ZNF608: variants seen among roughly 807,000 people sequenced by gnomAD.
ZNF608 encodes zinc finger protein 608, also known as renal carcinoma antigen NY-REN-36.
ZNF608 carries 12 observed loss-of-function variants against 109.0 expected under a neutral mutation model. That is an observed-to-expected ratio of 0.11 (90% confidence interval 0.07 to 0.18). ZNF608 has a LOEUF of 0.18. ZNF608 is among the 10% of genes least tolerant of loss of function. The pLI is 1.00. For missense variants in ZNF608, 1,707 were observed against 1,879.3 expected (o/e 0.91, Z 1.70); for synonymous variants, 732 against 717.4 (o/e 1.02, Z -0.33).
At chr5:124,737,529 A>G (rs750185855) in intron 2 of ZNF608, among the ~76,000 whole-genome samples, 1 of 152,172 alleles carries the variant, frequency 6.6e-6, no homozygotes. Context: ...TATACCTTTA[A>G]GTTTTCATTT....
Position 124,649,109 on chromosome 5 carries a change from G to A in ZNF608, c.1275C>T (p.Asp425=). ...TGCCCCGGCCCCCTCTCATCTCCAG[G>A]TCACTTGTCGGTGACTCACAAAACC... The part of the protein sequence containing the change: ...PPRFCESPTS[D]LEMRGGRGRG... The change falls in exon 5 of 10, where the codon GAC becomes GAT. Residue 425 remains aspartate (D), a synonymous_variant. Coordinates refer to ENST00000513986, the MANE Select transcript of ZNF608 (RefSeq NM_020747.3). The A allele has an allele frequency of 6.4e-7, 1 of 1,572,868 alleles. No homozygotes were observed.
chr5:124,694,370 TA>T (rs1752756272), intron 3 of ZNF608, among the ~76,000 whole-genome samples: 1 of 151,862 alleles, frequency 6.6e-6, no homozygotes, highest in African/African-American at 2.4e-5. Flanking sequence ...TTATTTTTAC[TA>T]AAAAAATTTT....
chr5:124,746,446 T>C lies in ZNF608; in HGVS notation c.-435A>G, dbSNP rs1392847381. ...CACTGTACAGCTGGAAAATAATGTT[T>C]CACATTCACAACAGAAGCACCAAAG... is the stretch of plus-strand genomic sequence containing the variant. On this transcript the variant is annotated 5_prime_UTR_variant, in exon 1 of 10. The change abolishes the stop of an existing upstream ORF in the 5' untranslated region. Transcript: ENST00000513986. 2.9e-5 allele frequency: 29 copies of C among 985,260 alleles called. No homozygotes were observed. Among genetic ancestry groups the C allele is most frequent in the Non-Finnish European group, 3.3e-5 (27 of 829,934 alleles). The allele number at this position is 985,260 out of a possible 1,614,324, so 61.0% of individuals were successfully genotyped here.
In ZNF608 at chr5:124,744,164, T is replaced by C. The variant is rs139499592; in HGVS notation, c.826A>G (p.Met276Val). Residue 276 changes from methionine to valine, a missense_variant, in exon 2 of 10, where the codon ATG (methionine) becomes GTG (valine). Around this residue, in one of 7 missense-constraint regions of ZNF608, gnomAD observed 407 missense variants for 398.7 expected, o/e 1.02. Coordinates refer to ENST00000513986, the MANE Select transcript of ZNF608 (RefSeq NM_020747.3). This position sits in a 1 kb window ranked among gnomAD's most constrained non-coding sequence, Gnocchi z 4.5. ...TTCTTTACCAACATAGAGTTTCCCATGAGCCCTGAATCCGGGGCACTTTTG... is the reference window on the plus strand; with the variant it reads ...TTCTTTACCAACATAGAGTTTCCCACGAGCCCTGAATCCGGGGCACTTTTG... ...VSKSAPDSGL[M>V]GNSMLVKKEE... 4.3e-6 allele frequency: 7 copies of C among 1,613,408 alleles called. No homozygotes were observed. Among genetic ancestry groups the C allele is most frequent in the Non-Finnish European group, 5.1e-6 (6 of 1,179,976 alleles).
rs372792834 is a variant in ZNF608, at chr5:124,648,765, G to C, written c.1619C>G (p.Thr540Ser). ...TPTTPQGKPE[T>S]TFLDQGCSSP... ...AGAGCAGCCTTGGTCCAAAAAAGTAGTCTCTGGTTTCCCTTGAGGGGTAGT... is the reference window on the plus strand; with the variant it reads ...AGAGCAGCCTTGGTCCAAAAAAGTACTCTCTGGTTTCCCTTGAGGGGTAGT... Residue 540 changes from threonine to serine, a missense_variant, in exon 5 of 10, where the codon ACT (threonine) becomes AGT (serine). Thr to Ser is a moderately conservative substitution (Grantham distance 58, BLOSUM62 1). Coordinates refer to ENST00000513986, the MANE Select transcript of ZNF608 (RefSeq NM_020747.3). 29 of 1,614,112 alleles carry C rather than the reference G, an allele frequency of 1.8e-5. No individual in the cohort carries two copies. Among genetic ancestry groups the C allele is most frequent in the Non-Finnish European group, 2.5e-5 (29 of 1,180,060 alleles).
chr5:124,665,724 G>A (rs962659377), intron 3 of ZNF608, among the ~76,000 whole-genome samples: 43 of 152,280 alleles, frequency 2.8e-4, no homozygotes, highest in African/African-American at 1.0e-3. Context: ...AATTGATGAG[G>A]TACATTTGTC....
At chr5:124,700,081 G>GA (rs201822880) in intron 3 of ZNF608, among the ~76,000 whole-genome samples, 36 of 152,076 alleles carry the variant, frequency 2.4e-4, no homozygotes, top group African/African-American at 8.0e-4. Context: ...AACTTACAGA[G>GA]AAAAAAAAGT....
chr5:124,720,958 A>G (rs1753879241), intron 2 of ZNF608, among the ~76,000 whole-genome samples: 1 of 152,112 alleles, frequency 6.6e-6, no homozygotes, highest in Non-Finnish European at 1.5e-5. Context: ...TAAAGAAAAA[A>G]GTAGCATTTC....
rs1327932386 is a variant in ZNF608, at chr5:124,668,217, TTA to T, written c.1163-18522_1163-18521del. Among the ~76,000 whole-genome samples the T allele has an allele frequency of 1.3e-4, 16 of 120,258 alleles. 1 individual carries two copies. The highest frequency in any genetic ancestry group is 1.1e-3 in the South Asian group (4 of 3,734). 78.9% of individuals were successfully genotyped at this position (120,258 alleles called of 152,430 possible). On this transcript the variant is annotated intron_variant, in intron 3 of 9. Transcript: ENST00000513986. ...AAAAATATATATATATATATATATATTATATATATATATATTTTATATATATC... is the reference window on the plus strand; with the variant it reads ...AAAAATATATATATATATATATATATTATATATATATATTTTATATATATC...
At chr5:124,700,702 T>C (rs547014087) in intron 3 of ZNF608, among the ~76,000 whole-genome samples, 1 of 152,336 alleles carries the variant, frequency 6.6e-6, no homozygotes, top group East Asian at 1.9e-4. Context: ...TTGAGATCTA[T>C]CTCCCTTCCT....
At position 124,646,987 on chromosome 5, in the gene ZNF608, G is replaced by A. The variant is rs200980889; in HGVS notation, c.3397C>T (p.Leu1133Phe). The change falls in exon 5 of 10, where the codon CTC becomes TTC. Residue 1133 changes from leucine to phenylalanine, a missense_variant. Transcript: ENST00000513986. ...GRGDCERKSE[L>F]PLKELGKEET... ...TCCTTGCCCAGCTCTTTCAAGGGGA[G>A]CTCACTTTTCCTTTCACAGTCTCCT... The A allele has an allele frequency of 1.6e-4, 254 of 1,613,908 alleles. No individual in the cohort carries two copies. The highest frequency in any genetic ancestry group is 2.1e-4 in the Non-Finnish European group (243 of 1,180,010).
intron 3 of ZNF608, among the ~76,000 whole-genome samples, chr5:124,654,107 C>T (rs749291308): frequency 2.0e-5 from 3 of 152,178 alleles, no homozygotes; most frequent in Non-Finnish European, 4.4e-5. Context: ...GCAGTCCACC[C>T]ATCATCCACT....
At position 124,745,276 on chromosome 5, in the gene ZNF608, G is replaced by T. The variant is rs890344642; in HGVS notation, c.-183-104C>A. On this transcript the variant is annotated intron_variant, in intron 1 of 9. Coordinates refer to ENST00000513986, the MANE Select transcript of ZNF608 (RefSeq NM_020747.3). ...AGTAAAGGGGACAGGGAAGGATGGA[G>T]AGTAAGGTGGCTCATGTATTGTCCT... 1.5e-5 allele frequency: 16 copies of T among 1,051,466 alleles called. No individual in the cohort carries two copies. The Admixed American group carries it at 6.1e-4, about 40-fold the overall frequency. 65.1% of individuals were successfully genotyped at this position (1,051,466 alleles called of 1,614,324 possible).
chr5:124,646,842 C>T lies in ZNF608; in HGVS notation c.3542G>A (p.Gly1181Asp), dbSNP rs1338475545. 3.1e-6 allele frequency: 5 copies of T among 1,614,108 alleles called. No individual in the cohort carries two copies. The South Asian group carries it at 4.4e-5, about 14-fold the overall frequency. ...PSVPNKTEET[G>D]KSQLLSNHQQ... Reference sequence around the variant, plus strand: ...GTGATTGGAGAGAAGCTGCGATTTACCTGTCTCCTCAGTTTTATTAGGCAC... The same window carrying T: ...GTGATTGGAGAGAAGCTGCGATTTATCTGTCTCCTCAGTTTTATTAGGCAC... The change falls in exon 5 of 10, where the codon GGT becomes GAT. Residue 1181 changes from glycine to aspartate, a missense_variant. By Grantham distance (94) the Gly-to-Asp change is moderately conservative (BLOSUM62 -1). Transcript: ENST00000513986.
In ZNF608 at chr5:124,744,382, C is replaced by T. The variant is rs765028505; in HGVS notation, c.608G>A (p.Arg203Gln). The change falls in exon 2 of 10, where the codon CGG becomes CAG. Residue 203 changes from arginine (R) to glutamine (Q), a missense_variant. Physicochemically the swap from Arg to Gln is conservative, Grantham distance 43 (BLOSUM62 1). Transcript: ENST00000513986. The surrounding 1 kb of genome is among the most constrained non-coding windows in gnomAD (Gnocchi z 4.5). ...GKSQSSRGAK[R>Q]DKDAGKSRKD... The stretch of plus-strand genomic sequence containing the variant: ...CCTGGATTTCCCCGCATCCTTATCC[C>T]GCTTGGCGCCTCGGCTGCTCTGGCT... 1.9e-6 allele frequency: 3 copies of T among 1,614,260 alleles called. No homozygotes were observed. The highest frequency in any genetic ancestry group is 2.5e-6 in the Non-Finnish European group (3 of 1,180,056).
At chr5:124,653,601 T>C (rs1750882689) in intron 3 of ZNF608, among the ~76,000 whole-genome samples, 1 of 152,232 alleles carries the variant, frequency 6.6e-6, no homozygotes, top group African/African-American at 2.4e-5. Context: ...GTAGGCCCCT[T>C]ATGCTATCAC....
intron 2 of ZNF608, chr5:124,708,858 C>A: frequency 2.3e-6 from 1 of 435,790 alleles, no homozygotes; most frequent in Admixed American, 2.7e-5. Flanking sequence ...GAACCCCCAC[C>A]ATGCCAAAAT....
chr5:124,665,054 A>G (rs1026784390), intron 3 of ZNF608, among the ~76,000 whole-genome samples: 4 of 152,110 alleles, frequency 2.6e-5, no homozygotes, highest in Admixed American at 6.5e-5. Context: ...GGGTGCCTGT[A>G]ATCCCAGCTA....
At chr5:124,701,916 A>G (rs144526083) in intron 2 of ZNF608, among the ~76,000 whole-genome samples, 82 of 152,350 alleles carry the variant, frequency 5.4e-4, no homozygotes, top group African/African-American at 1.9e-3. Flanking sequence ...CCCAACATCA[A>G]CATAACTTGA....
Sources: gnomAD v4.1 joint callset for allele counts (sites outside exome capture counted in the v4.1 genomes callset) on GRCh38, gnomAD v4.1.1 for gene constraint, gnomAD v4.1.1 regional missense constraint, Gnocchi (gnomAD v3.1) non-coding constraint, MANE v1.5 for transcripts, NCBI Gene and HGNC (gene_info 2026-07-23, HGNC 2026-07-21) for gene names.